The following KTN1 variants were observed in gnomAD, a reference collection of about 807,000 sequenced individuals.
The protein encoded by KTN1 is kinectin 1.
In KTN1, 130 loss-of-function variants were observed where a neutral mutation model predicts 222.5. That is an observed-to-expected ratio of 0.58 (90% CI 0.51 to 0.68). The LOEUF (loss-of-function observed/expected upper bound fraction) is 0.68, where lower values mean the gene tolerates loss of function less well. KTN1 is among the 30% of genes least tolerant of loss of function. KTN1 has a pLI of 0.00. For synonymous variants in KTN1, 512 were observed against 496.3 expected, an observed-to-expected ratio of 1.03 and a Z score of -0.42; for missense variants, 1,508 against 1,500.4, an observed-to-expected ratio of 1.01 and a Z score of -0.08.
chr14:55,677,704 T>C (rs548080867), intron 41 of KTN1, among the ~76,000 whole-genome samples: 1 of 152,252 alleles, frequency 6.6e-6, no homozygotes, highest in Non-Finnish European at 1.5e-5. Context: ...TTTATTTTAT[T>C]ATATATTTTT....
chr14:55,609,251 T>G (rs1270401728), intron 1 of KTN1, among the ~76,000 whole-genome samples: 2 of 152,150 alleles, frequency 1.3e-5, no homozygotes, highest in East Asian at 1.9e-4. Flanking sequence ...ACATGTGGTG[T>G]TTGGTGTTCT....
intron 1 of KTN1, among the ~76,000 whole-genome samples, chr14:55,600,248 A>G (rs2035770255): frequency 1.3e-5 from 2 of 151,960 alleles, no homozygotes; most frequent in Non-Finnish European, 2.9e-5. Context: ...TTTATTAATT[A>G]ACCCATTATG....
intron 43 of KTN1, chr14:55,681,239 T>G (rs1424343269): frequency 6.5e-6 from 1 of 153,936 alleles, no homozygotes; most frequent in Non-Finnish European, 1.4e-5. Flanking sequence ...CTTTTGCATG[T>G]GATCAGATAC....
chr14:55,613,103 C>T (rs564040015), intron 2 of KTN1, among the ~76,000 whole-genome samples: 1 of 152,216 alleles, frequency 6.6e-6, no homozygotes, highest in East Asian at 1.9e-4. Context: ...CTGTTTTATG[C>T]TAGGCATTAT....
In KTN1 at chr14:55,612,556, T is replaced by C; in HGVS notation, c.508T>C (p.Ser170Pro). Residue 170 changes from serine (S) to proline (P), a missense_variant, in exon 2 of 44, where the codon TCT becomes CCT. Coordinates refer to ENST00000395314, the MANE Select transcript of KTN1 (RefSeq NM_001079521.2). ...GAAGAAGAAACCAGGGCAGAAGAAGTCTAAAAATGGAAGCGGTATTGTAAT... is the reference window on the plus strand; with the variant it reads ...GAAGAAGAAACCAGGGCAGAAGAAGCCTAAAAATGGAAGCGGTATTGTAAT... ...ASKKKPGQKK[S>P]KNGSDDQDKK... The C allele has an allele frequency of 1.3e-6, 2 of 1,580,932 alleles. No homozygotes were observed. Among genetic ancestry groups the C allele is most frequent in the Non-Finnish European group, 1.7e-6 (2 of 1,171,148 alleles).
Position 55,619,064 on chromosome 14 carries a change from G to T in KTN1, c.833-118G>T, listed in dbSNP as rs2140747628. 3 of 741,830 alleles carry T rather than the reference G, an allele frequency of 4.0e-6. No individual in the cohort carries two copies. In the South Asian group the frequency reaches 5.6e-5, roughly 14 times the overall value. 46.0% of individuals were successfully genotyped at this position (741,830 alleles called of 1,614,324 possible). ...TTTATTTAACCTGAAGTATATATCT[G>T]TTTTCTTTCGGTTATTGACTTTCTG... is the stretch of plus-strand genomic sequence containing the variant. On this transcript the variant is annotated intron_variant, in intron 4 of 43. Coordinates refer to ENST00000395314, the MANE Select transcript of KTN1 (RefSeq NM_001079521.2).
chr14:55,642,490 G>T (rs757847623), intron 18 of KTN1, among the ~76,000 whole-genome samples: 1 of 152,000 alleles, frequency 6.6e-6, no homozygotes, highest in Non-Finnish European at 1.5e-5. Flanking sequence ...CTTCTTCTAC[G>T]CAGCTCTTAC....
intron 43 of KTN1, 27 bp from the exon 44 acceptor site, chr14:55,684,072 A>G: frequency 6.3e-7 from 1 of 1,590,598 alleles, no homozygotes; most frequent in Admixed American, 1.7e-5. Context: ...TTTTAAAGTG[A>G]AATTCATTCT....
chr14:55,619,597 G>A (rs974374500), intron 5 of KTN1, among the ~76,000 whole-genome samples: 2 of 152,108 alleles, frequency 1.3e-5, no homozygotes, highest in African/African-American at 2.4e-5. Context: ...TGAAAGGCAC[G>A]TCTTATATGG....
chr14:55,637,656 C>CT (rs1157323903), intron 11 of KTN1, 123 bp from the exon 12 acceptor site: 1 of 686,396 alleles, frequency 1.5e-6, no homozygotes, highest in Non-Finnish European at 2.4e-6. Context: ...CTTTTGGAAT[C>CT]TAAGAATGCC....
intron 1 of KTN1, among the ~76,000 whole-genome samples, chr14:55,593,545 C>T (rs927956110): frequency 2.0e-5 from 3 of 150,830 alleles, no homozygotes; most frequent in Admixed American, 6.6e-5. Context: ...TTTTTTTTCC[C>T]TTCCCAACTA....
At chr14:55,655,107 G>T (rs1300712468) in intron 28 of KTN1, among the ~76,000 whole-genome samples, 1 of 152,032 alleles carries the variant, frequency 6.6e-6, no homozygotes, top group African/African-American at 2.4e-5. Context: ...TCCCACCTCA[G>T]CCTTTCGAGT....
At chr14:55,655,486 C>G (rs1485519817) in intron 28 of KTN1, among the ~76,000 whole-genome samples, 6 of 152,036 alleles carry the variant, frequency 3.9e-5, no homozygotes, top group Non-Finnish European at 8.8e-5. Flanking sequence ...TTGGGGATAC[C>G]GAAATGGATA....
rs1396279678 is a variant in KTN1, at chr14:55,612,179, A to G, written c.131A>G (p.Glu44Gly). The change falls in exon 2 of 44, where the codon GAA becomes GGA. Residue 44 changes from glutamate (E) to glycine (G), a missense_variant. Coordinates refer to ENST00000395314, the MANE Select transcript of KTN1 (RefSeq NM_001079521.2). Reference sequence around the variant, plus strand: ...GAAGTTCTTGCAAAACAGAAAAGAGAACAAAAGCTTATTCCTACCAAAACA... The same window carrying G: ...GAAGTTCTTGCAAAACAGAAAAGAGGACAAAAGCTTATTCCTACCAAAACA... ...YDEVLAKQKR[E>G]QKLIPTKTDK... 2.5e-6 allele frequency: 4 copies of G among 1,585,872 alleles called. No homozygotes were observed. Among genetic ancestry groups the G allele is most frequent in the Admixed American group, 3.9e-5 (2 of 51,030 alleles).
chr14:55,670,154 A>G (rs2045316305), intron 34 of KTN1, among the ~76,000 whole-genome samples: 1 of 152,062 alleles, frequency 6.6e-6, no homozygotes, highest in African/African-American at 2.4e-5. Flanking sequence ...ATGTGTATGC[A>G]TATCACTTCT....
chr14:55,672,424 C>G (rs961329390), intron 37 of KTN1: 8 of 461,154 alleles, frequency 1.7e-5, no homozygotes, highest in Admixed American at 1.6e-4. Context: ...TTAGCCGAGC[C>G]TAATATACAA....
At chr14:55,652,600 C>T (rs778712928) in intron 25 of KTN1, among the ~76,000 whole-genome samples, 20 of 152,108 alleles carry the variant, frequency 1.3e-4, no homozygotes, top group South Asian at 1.0e-3. Flanking sequence ...GGGGTTTCAC[C>T]GTGTTAGCCA....
rs1256545099 is a variant in KTN1 at position 55,652,943 on chromosome 14, G to T, written c.2694+3G>T. 1 of 1,606,086 alleles carries T rather than the reference G, an allele frequency of 6.2e-7. No homozygotes were observed. Among genetic ancestry groups the T allele is most frequent in the African/African-American group, 1.3e-5 (1 of 74,486 alleles). On this transcript the variant is annotated splice_donor_region_variant and intron_variant, in intron 26 of 43. Coordinates refer to ENST00000395314, the MANE Select transcript of KTN1 (RefSeq NM_001079521.2). ...CCAATACAGGGAAGTGGTTACAGGT[G>T]AGAAATTAAAAACAATAAAAAATAG...
intron 2 of KTN1, among the ~76,000 whole-genome samples, chr14:55,614,934 G>C (rs1394092994): frequency 6.6e-6 from 1 of 152,204 alleles, no homozygotes; most frequent in East Asian, 1.9e-4. Flanking sequence ...TCTACGTAGA[G>C]CAACTCAGGA....
Sources: allele counts gnomAD v4.1 joint callset (sites outside exome capture counted in the v4.1 genomes callset), GRCh38; gene constraint gnomAD v4.1.1; transcripts MANE v1.5; gene names NCBI Gene and HGNC (gene_info 2026-07-23, HGNC 2026-07-21).